TRPC7: variants seen among roughly 807,000 people sequenced by gnomAD.
TRPC7 encodes short transient receptor potential channel 7.
A neutral mutation model predicts 90.1 loss-of-function variants in TRPC7; 42 were observed. That is an observed-to-expected ratio of 0.47 (90% CI 0.36 to 0.60). The LOEUF (loss-of-function observed/expected upper bound fraction) is 0.60, where lower values mean the gene tolerates loss of function less well. TRPC7 is among the 20% of genes least tolerant of loss of function. The probability of loss-of-function intolerance (pLI) is 0.00; values close to 1 mark genes in which losing one functional copy is unlikely to be tolerated. For missense variants in TRPC7, 955 were observed against 1,112.3 expected (o/e 0.86, Z 2.01); for synonymous variants, 451 against 436.3 (o/e 1.03, Z -0.42).
chr5:136,294,022 G>C (rs1479981098), intron 3 of TRPC7, among the ~76,000 whole-genome samples: 4 of 152,032 alleles, frequency 2.6e-5, no homozygotes, highest in African/African-American at 7.3e-5. Context: ...ACAAACCTGA[G>C]AAAAACAAGC....
At chr5:136,279,830 C>G (rs1256411256) in intron 3 of TRPC7, among the ~76,000 whole-genome samples, 1 of 152,186 alleles carries the variant, frequency 6.6e-6, no homozygotes, top group Non-Finnish European at 1.5e-5. Context: ...GTAGCCACCC[C>G]CTGTCTATGT....
Position 136,231,410 on chromosome 5 carries a change from C to A in TRPC7, c.1984G>T (p.Val662Leu), listed in dbSNP as rs1245792721. ...LYGVYNVTMV[V>L]VLLNMLIAMI... ...GCTATTAGCATGTTGAGCAACACTA[C>A]CACCATGGTGACGTTATAAACGCCG... The change falls in exon 8 of 12, where the codon GTA becomes TTA. Residue 662 changes from valine to leucine, a missense_variant. Val to Leu is a conservative substitution (Grantham distance 32). This residue lies in a region of TRPC7 where 296 missense variants were observed against 422.7 expected (regional missense o/e 0.70). Transcript: ENST00000513104. 1 of 1,612,348 alleles carries A rather than the reference C, an allele frequency of 6.2e-7. No homozygotes were observed. Among genetic ancestry groups the A allele is most frequent in the Non-Finnish European group, 8.5e-7 (1 of 1,178,742 alleles).
At chr5:136,279,990 T>TG (rs1298680659) in intron 3 of TRPC7, among the ~76,000 whole-genome samples, 1 of 150,338 alleles carries the variant, frequency 6.7e-6, no homozygotes, top group Non-Finnish European at 1.5e-5. Flanking sequence ...CCATCTCTAC[T>TG]GAAAAAAAAA....
intron 3 of TRPC7, among the ~76,000 whole-genome samples, chr5:136,283,531 T>C (rs1415949504): frequency 6.6e-6 from 1 of 152,182 alleles, no homozygotes; most frequent in Non-Finnish European, 1.5e-5. Context: ...TTACTTGTCA[T>C]AGTTAATTTT....
rs376972495 is a variant in TRPC7, at chr5:136,231,423, G to A, written c.1971C>T (p.Asn657=). Residue 657 remains asparagine (N), a synonymous_variant, in exon 8 of 12, where the codon AAC becomes AAT. Coordinates refer to ENST00000513104, the MANE Select transcript of TRPC7 (RefSeq NM_020389.3). The part of the protein sequence containing the change: ...NIGYVLYGVY[N]VTMVVVLLNM... The stretch of plus-strand genomic sequence containing the variant: ...TGAGCAACACTACCACCATGGTGAC[G>A]TTATAAACGCCGTAGAGAACGTAGC... 157 of 1,612,724 alleles carry A rather than the reference G, an allele frequency of 9.7e-5. No homozygotes were observed. The highest frequency in any genetic ancestry group is 2.2e-4 in the Admixed American group (13 of 59,912).
chr5:136,256,925 A>G (rs1038578355), intron 5 of TRPC7, among the ~76,000 whole-genome samples: 2 of 150,456 alleles, frequency 1.3e-5, no homozygotes, highest in African/African-American at 2.5e-5. Flanking sequence ...AGATGCCTAC[A>G]TGATAACAAT....
In TRPC7 at chr5:136,274,811, C is replaced by G; in HGVS notation, c.990G>C (p.Gln330His). 1 of 1,579,124 alleles carries G rather than the reference C, an allele frequency of 6.3e-7. No individual in the cohort carries two copies. The change falls in exon 4 of 12, where the codon CAG becomes CAC. Residue 330 changes from glutamine (Q) to histidine (H), a missense_variant. Physicochemically the swap from Gln to His is conservative, Grantham distance 24 (BLOSUM62 0). Coordinates refer to ENST00000513104, the MANE Select transcript of TRPC7 (RefSeq NM_020389.3). ...TTTCATACCACATGGTAAGCAATTG[C>G]TGCTGACAGTTAGGATGAGCAACGA... ...KKFVAHPNCQ[Q>H]QLLTMWYENL... is the part of the protein sequence containing the mutation.
chr5:136,234,454 CG>C (rs1755924165), intron 7 of TRPC7, among the ~76,000 whole-genome samples: 1 of 151,996 alleles, frequency 6.6e-6, no homozygotes, highest in Non-Finnish European at 1.5e-5. Context: ...GGATTACAGG[CG>C]CGCGCCACTG....
At chr5:136,268,714 A>G (rs1016464275) in intron 4 of TRPC7, among the ~76,000 whole-genome samples, 11 of 152,208 alleles carry the variant, frequency 7.2e-5, no homozygotes, top group Admixed American at 7.2e-4. Flanking sequence ...AAACCATAAT[A>G]AAAAGTCCTG....
At chr5:136,316,816 A>C (rs1451245943) in intron 2 of TRPC7, among the ~76,000 whole-genome samples, 1 of 152,236 alleles carries the variant, frequency 6.6e-6, no homozygotes, top group Non-Finnish European at 1.5e-5. Flanking sequence ...CAGAAAGTAC[A>C]CAAGAGCCAA....
intron 10 of TRPC7, among the ~76,000 whole-genome samples, chr5:136,217,434 C>T (rs1755304481): frequency 6.6e-6 from 1 of 152,206 alleles, no homozygotes; most frequent in African/African-American, 2.4e-5. Flanking sequence ...GCTTCCTGGC[C>T]TGTGATTCTA....
intron 3 of TRPC7, among the ~76,000 whole-genome samples, chr5:136,305,105 G>A (rs979269517): frequency 2.0e-5 from 3 of 152,116 alleles, no homozygotes; most frequent in Non-Finnish European, 2.9e-5. Context: ...TCCTTCAGCT[G>A]TACTCACTCT....
chr5:136,232,148 A>T (rs1368736713), intron 7 of TRPC7, among the ~76,000 whole-genome samples: 1 of 152,208 alleles, frequency 6.6e-6, no homozygotes, highest in African/African-American at 2.4e-5. Flanking sequence ...TAACTTAAAC[A>T]TTTAAAATTA....
chr5:136,257,568 G>A (rs987396334), intron 5 of TRPC7, among the ~76,000 whole-genome samples: 1 of 151,956 alleles, frequency 6.6e-6, no homozygotes, highest in Non-Finnish European at 1.5e-5. Context: ...CTGCATATTT[G>A]TATCAAATTG....
chr5:136,302,123 A>G (rs1169136510), intron 3 of TRPC7, among the ~76,000 whole-genome samples: 2 of 152,192 alleles, frequency 1.3e-5, no homozygotes, highest in Admixed American at 6.5e-5. Context: ...CAAAGGAGAC[A>G]TGTTTTATCT....
intron 2 of TRPC7, among the ~76,000 whole-genome samples, chr5:136,348,194 A>G (rs532811919): frequency 1.3e-5 from 2 of 152,288 alleles, no homozygotes; most frequent in African/African-American, 4.8e-5. Flanking sequence ...TTCACCCTAC[A>G]ATGAAGTCCA....
chr5:136,316,369 A>G (rs1759027235), intron 2 of TRPC7, among the ~76,000 whole-genome samples: 1 of 152,208 alleles, frequency 6.6e-6, no homozygotes, highest in Non-Finnish European at 1.5e-5. Context: ...AAAATTGCAC[A>G]GGTGTGCTTT....
chr5:136,246,057 G>A (rs1244523064), intron 7 of TRPC7, among the ~76,000 whole-genome samples: 3 of 152,170 alleles, frequency 2.0e-5, no homozygotes. Context: ...GATCTTTGTG[G>A]ACACAGGCTT....
chr5:136,345,628 A>T (rs1271687817), intron 2 of TRPC7, among the ~76,000 whole-genome samples: 3 of 151,900 alleles, frequency 2.0e-5, no homozygotes, highest in Admixed American at 6.6e-5. Flanking sequence ...GATTATAAAA[A>T]TTTTCTCCCA....
Sources: gnomAD v4.1 joint callset for allele counts (sites outside exome capture counted in the v4.1 genomes callset) on GRCh38, gnomAD v4.1.1 for gene constraint, gnomAD v4.1.1 regional missense constraint, MANE v1.5 for transcripts, NCBI Gene and HGNC (gene_info 2026-07-23, HGNC 2026-07-21) for gene names.